Variants in RIMS4 observed in about 807,000 individuals in gnomAD.
The protein encoded by RIMS4 is regulating synaptic membrane exocytosis protein 4.
Under a neutral mutation model 29.0 loss-of-function variants are expected in RIMS4, and 9 were observed. The observed-to-expected ratio is 0.31, with a 90% confidence interval of 0.19 to 0.54. The LOEUF (loss-of-function observed/expected upper bound fraction) is 0.54. Among genes scored for constraint, RIMS4 ranks in the 20% least tolerant of loss-of-function variants. The probability of loss-of-function intolerance (pLI) is 0.94; values close to 1 mark genes in which losing one functional copy is unlikely to be tolerated. For missense variants in RIMS4, 193 were observed against 365.7 expected (o/e 0.53, Z 3.85); for synonymous variants, 130 against 152.9 (o/e 0.85, Z 1.10).
At chr20:44,783,966 G>A (rs2066196606) in intron 1 of RIMS4, among the ~76,000 whole-genome samples, 1 of 152,168 alleles carries the variant, frequency 6.6e-6, no homozygotes, top group Non-Finnish European at 1.5e-5. Context: ...CTAGTAAACT[G>A]TATGGTATAT....
intron 1 of RIMS4, among the ~76,000 whole-genome samples, chr20:44,786,329 A>T (rs1045337553): frequency 2.6e-5 from 4 of 152,058 alleles, no homozygotes; most frequent in Admixed American, 1.3e-4. Flanking sequence ...GAGGCAAGGG[A>T]CAGAAGGTTC....
intron 1 of RIMS4, among the ~76,000 whole-genome samples, chr20:44,809,705 G>A (rs1601052403): frequency 6.6e-6 from 1 of 152,232 alleles, no homozygotes; most frequent in Middle Eastern, 3.4e-3. Flanking sequence ...GCCGGGCAGG[G>A]GTCTTGGGCA....
At chr20:44,805,864 T>C (rs892650507) in intron 1 of RIMS4, among the ~76,000 whole-genome samples, 4 of 152,032 alleles carry the variant, frequency 2.6e-5, no homozygotes, top group Non-Finnish European at 4.4e-5. Flanking sequence ...CCAGGATCTG[T>C]CCGGCAGGAT....
At position 44,767,042 on chromosome 20, in the gene RIMS4, G is replaced by T. The variant is rs149076493; in HGVS notation, c.236+4233C>A. On this transcript the variant is annotated intron_variant, in intron 2 of 5. Transcript: ENST00000372851. Reference sequence around the variant, plus strand: ...TTCCGAGAGTTCCCCATCAGGATTGGCTCTGGTTGCCCACCAGGAAAGCTG... The same window carrying T: ...TTCCGAGAGTTCCCCATCAGGATTGTCTCTGGTTGCCCACCAGGAAAGCTG... 2.1e-3 allele frequency among the ~76,000 whole-genome samples: 320 copies of T among 152,310 alleles called. 3 individuals carry two copies. Among genetic ancestry groups the T allele is most frequent in the African/African-American group, 7.4e-3 (306 of 41,568 alleles).
intron 1 of RIMS4, among the ~76,000 whole-genome samples, chr20:44,806,886 G>C (rs1356983643): frequency 6.6e-6 from 1 of 152,166 alleles, no homozygotes; most frequent in Non-Finnish European, 1.5e-5. Context: ...AGTTTTATAG[G>C]CTTGCTATGA....
chr20:44,781,816 G>A (rs2066185887), intron 1 of RIMS4, among the ~76,000 whole-genome samples: 1 of 152,200 alleles, frequency 6.6e-6, no homozygotes, highest in Non-Finnish European at 1.5e-5. Flanking sequence ...GGAAGGAACT[G>A]GGTTGTGGGC....
At chr20:44,758,484 C>CA (rs1393302841) in intron 2 of RIMS4, among the ~76,000 whole-genome samples, 2 of 152,236 alleles carry the variant, frequency 1.3e-5, no homozygotes, top group African/African-American at 2.4e-5. Flanking sequence ...GATGCCCTTG[C>CA]ACGTGAAAGT....
At chr20:44,794,441 G>C (rs1331085290) in intron 1 of RIMS4, among the ~76,000 whole-genome samples, 2 of 152,136 alleles carry the variant, frequency 1.3e-5, no homozygotes, top group East Asian at 3.8e-4. Context: ...CGGTTTTCCT[G>C]TATTTTTTTA....
chr20:44,769,874 G>A (rs2066129267), intron 2 of RIMS4, among the ~76,000 whole-genome samples: 1 of 152,228 alleles, frequency 6.6e-6, no homozygotes, highest in South Asian at 2.1e-4. Context: ...CCTCTCAGTG[G>A]CTGTGTGTCT....
At chr20:44,785,538 C>G (rs1012065705) in intron 1 of RIMS4, among the ~76,000 whole-genome samples, 5 of 152,114 alleles carry the variant, frequency 3.3e-5, no homozygotes, top group Non-Finnish European at 5.9e-5. Flanking sequence ...TTCGCATACA[C>G]AAACCTGCAA....
At chr20:44,772,609 G>A (rs1601026904) in intron 1 of RIMS4, among the ~76,000 whole-genome samples, 1 of 152,328 alleles carries the variant, frequency 6.6e-6, no homozygotes, top group East Asian at 1.9e-4. Context: ...CACAGCCCCG[G>A]GAGGGTGTCT....
chr20:44,809,835 G>C (rs369249565), intron 1 of RIMS4, among the ~76,000 whole-genome samples: 2 of 152,062 alleles, frequency 1.3e-5, no homozygotes, highest in Non-Finnish European at 2.9e-5. Context: ...GGCTTGAAGA[G>C]TGGGCACATT....
At chr20:44,778,220 C>T (rs1331592369) in intron 1 of RIMS4, among the ~76,000 whole-genome samples, 1 of 152,198 alleles carries the variant, frequency 6.6e-6, no homozygotes, top group Non-Finnish European at 1.5e-5. Context: ...TCTGTGAGGG[C>T]CCTAACCTTT....
intron 1 of RIMS4, among the ~76,000 whole-genome samples, chr20:44,808,267 T>C (rs1285933671): frequency 6.6e-6 from 1 of 152,064 alleles, no homozygotes; most frequent in African/African-American, 2.4e-5. Context: ...AAAACAAACA[T>C]GAGTGGACCT....
chr20:44,768,661 C>T (rs1037378271), intron 2 of RIMS4, among the ~76,000 whole-genome samples: 1 of 152,222 alleles, frequency 6.6e-6, no homozygotes, highest in African/African-American at 2.4e-5. Context: ...GAGGCCAAGA[C>T]TGTCCCCTGC....
chr20:44,792,323 G>A (rs1325975976), intron 1 of RIMS4, among the ~76,000 whole-genome samples: 7 of 150,954 alleles, frequency 4.6e-5, no homozygotes, highest in South Asian at 4.2e-4. Context: ...ACAGAGTTTC[G>A]CTCTTGTTGC....
rs1245361043 is a variant in RIMS4, at chr20:44,764,910, C to T, written c.236+6365G>A. Reference sequence around the variant, plus strand: ...GACTTCTCAACCATTCAAGGTATTTCCAAGCCTGACCACCTCTATGAGACT... The same window carrying T: ...GACTTCTCAACCATTCAAGGTATTTTCAAGCCTGACCACCTCTATGAGACT... On this transcript the variant is annotated intron_variant, in intron 2 of 5. Transcript: ENST00000372851. Among the ~76,000 whole-genome samples the T allele has an allele frequency of 3.9e-5, 6 of 152,308 alleles. No homozygotes were observed. The East Asian group carries it at 1.2e-3, about 29-fold the overall frequency.
At chr20:44,769,844 G>A (rs1482519831) in intron 2 of RIMS4, among the ~76,000 whole-genome samples, 2 of 152,198 alleles carry the variant, frequency 1.3e-5, no homozygotes, top group East Asian at 3.8e-4. Flanking sequence ...AGCAAAAGTG[G>A]AGGCCAAGCC....
intron 4 of RIMS4, among the ~76,000 whole-genome samples, chr20:44,757,423 T>C (rs1044768252): frequency 6.6e-6 from 1 of 152,014 alleles, no homozygotes; most frequent in African/African-American, 2.4e-5. Context: ...GGTATAATGA[T>C]AAGCTGGAAA....
Sources: gnomAD v4.1 joint callset for allele counts (sites outside exome capture counted in the v4.1 genomes callset) on GRCh38, gnomAD v4.1.1 for gene constraint, MANE v1.5 for transcripts, NCBI Gene and HGNC (gene_info 2026-07-23, HGNC 2026-07-21) for gene names.